BMERB1: variants seen among roughly 807,000 people sequenced by gnomAD.
The protein encoded by BMERB1 is bMERB domain containing 1, also known as bMERB domain-containing protein 1.
BMERB1 carries 12 observed loss-of-function variants against 23.6 expected under a neutral mutation model. The ratio of observed to expected loss-of-function variants is 0.51; its 90% CI spans 0.33 to 0.82. The LOEUF (loss-of-function observed/expected upper bound fraction) is 0.82, where lower values mean the gene tolerates loss of function less well. BMERB1 is among the 40% of genes least tolerant of loss of function. The pLI is 0.03. For synonymous variants in BMERB1, 122 were observed against 96.6 expected, an observed-to-expected ratio of 1.26 and a Z score of -1.54; for missense variants, 247 against 255.4, an observed-to-expected ratio of 0.97 and a Z score of 0.22.
chr16:15,507,546 C>G (rs2051606435), intron 1 of BMERB1, among the ~76,000 whole-genome samples: 2 of 152,150 alleles, frequency 1.3e-5, no homozygotes, highest in African/African-American at 2.4e-5. Flanking sequence ...CAAGCAAGCT[C>G]TTGCTTGGAA....
intron 2 of BMERB1, among the ~76,000 whole-genome samples, chr16:15,562,319 A>AC (rs1407059022): frequency 6.6e-6 from 1 of 150,390 alleles, no homozygotes; most frequent in Non-Finnish European, 1.5e-5. Flanking sequence ...AAAAAAAAAA[A>AC]ACATAAATAA....
chr16:15,505,715 C>T (rs529682274), intron 1 of BMERB1, among the ~76,000 whole-genome samples: 17 of 151,824 alleles, frequency 1.1e-4, no homozygotes, highest in African/African-American at 3.4e-4. Flanking sequence ...TGGTGAAACC[C>T]GTCTCTACTA....
intron 1 of BMERB1, among the ~76,000 whole-genome samples, chr16:15,498,050 A>G (rs1850925220): frequency 6.6e-6 from 1 of 152,176 alleles, no homozygotes; most frequent in Non-Finnish European, 1.5e-5. Flanking sequence ...TGTTATCATT[A>G]TCCTTCCCAT....
chr16:15,523,975 A>G lies in BMERB1; in HGVS notation c.230+8547A>G, dbSNP rs141912959. ...GCTCTCAACCATTAAGTGCAACTCT[A>G]CCCTGGGGCCTTGATTTTATTATGA... On this transcript the variant is annotated intron_variant, in intron 2 of 5. Coordinates refer to ENST00000300006, the MANE Select transcript of BMERB1 (RefSeq NM_033201.3). 8.0e-3 allele frequency among the ~76,000 whole-genome samples: 1,217 copies of G among 152,158 alleles called. 19 individuals carry two copies. Among genetic ancestry groups the G allele is most frequent in the African/African-American group, 0.028 (1,176 of 41,516 alleles).
At chr16:15,576,798 C>G (rs1377129703) in intron 3 of BMERB1, among the ~76,000 whole-genome samples, 1 of 151,920 alleles carries the variant, frequency 6.6e-6, no homozygotes, top group Non-Finnish European at 1.5e-5. Flanking sequence ...TTCGTTGTCT[C>G]TCTCCAAGCA....
intron 1 of BMERB1, among the ~76,000 whole-genome samples, chr16:15,444,123 G>GGTTTTTTTTT (rs2050966312): frequency 2.8e-5 from 1 of 35,610 alleles, no homozygotes; most frequent in South Asian, 1.3e-3. Flanking sequence ...CACCAGCTTT[G>GGTTTTTTTTT]TTTTTTTTTT....
chr16:15,517,949 G>C (rs1485001891), intron 2 of BMERB1, among the ~76,000 whole-genome samples: 1 of 150,740 alleles, frequency 6.6e-6, no homozygotes, highest in South Asian at 2.1e-4. Context: ...GTGTGGGTGT[G>C]TGTGTGGATG....
chr16:15,477,500 G>A (rs941996035), intron 1 of BMERB1, among the ~76,000 whole-genome samples: 11 of 152,122 alleles, frequency 7.2e-5, no homozygotes, highest in African/African-American at 2.7e-4. Flanking sequence ...TTGTGTTGAT[G>A]CACACCTGTA....
At chr16:15,478,713 C>G (rs2051293331) in intron 1 of BMERB1, among the ~76,000 whole-genome samples, 1 of 152,162 alleles carries the variant, frequency 6.6e-6, no homozygotes, top group Admixed American at 6.6e-5. Flanking sequence ...CACCTTAGCA[C>G]AAGAAGGCAG....
chr16:15,510,835 G>T (rs1219039286), intron 1 of BMERB1, among the ~76,000 whole-genome samples: 1 of 152,044 alleles, frequency 6.6e-6, no homozygotes, highest in African/African-American at 2.4e-5. Context: ...CCAAGCAGCT[G>T]GGATTACAGG....
chr16:15,509,113 A>G (rs918360811), intron 1 of BMERB1, among the ~76,000 whole-genome samples: 1 of 151,890 alleles, frequency 6.6e-6, no homozygotes. Context: ...CTGGGATGTG[A>G]TTAATTCTCT....
intron 1 of BMERB1, among the ~76,000 whole-genome samples, chr16:15,474,115 G>A (rs189627059): frequency 2.2e-3 from 255 of 115,016 alleles, no homozygotes; most frequent in African/African-American, 7.4e-3. Context: ...GTGAGACTCT[G>A]TCTCAAAAAA....
rs578187687 is a variant in BMERB1, at chr16:15,573,914, G to T, written c.304+5858G>T. 3.4e-5 allele frequency among the ~76,000 whole-genome samples: 5 copies of T among 146,718 alleles called. No homozygotes were observed. The South Asian group carries it at 8.7e-4, about 26-fold the overall frequency. On this transcript the variant is annotated intron_variant, in intron 3 of 5. Coordinates refer to ENST00000300006, the MANE Select transcript of BMERB1 (RefSeq NM_033201.3). ...CAAGGTGACAGGAAGGAGAATGAAC[G>T]CAGGAGGAACTGCCCAACCCTTATA...
intron 1 of BMERB1, among the ~76,000 whole-genome samples, chr16:15,436,990 A>G (rs1274727366): frequency 1.3e-5 from 2 of 152,172 alleles, no homozygotes; most frequent in African/African-American, 2.4e-5. Context: ...GCATAGATTT[A>G]AAAAAACAAA....
intron 1 of BMERB1, among the ~76,000 whole-genome samples, chr16:15,456,445 T>G (rs1253253173): frequency 2.0e-5 from 3 of 152,016 alleles, no homozygotes; most frequent in Admixed American, 1.3e-4. Flanking sequence ...CAAGTGATTC[T>G]CATGCCTCAG....
At chr16:15,573,914 G>A (rs578187687) in intron 3 of BMERB1, among the ~76,000 whole-genome samples, 11 of 146,720 alleles carry the variant, frequency 7.5e-5, no homozygotes, top group African/African-American at 1.0e-4. Context: ...GAGAATGAAC[G>A]CAGGAGGAAC....
chr16:15,574,935 C>T (rs1349912487), intron 3 of BMERB1, among the ~76,000 whole-genome samples: 3 of 152,042 alleles, frequency 2.0e-5, no homozygotes, highest in Non-Finnish European at 2.9e-5. Context: ...AAAAATTAGC[C>T]GCGTGTGGTG....
At chr16:15,480,018 T>C (rs2051305971) in intron 1 of BMERB1, among the ~76,000 whole-genome samples, 1 of 147,528 alleles carries the variant, frequency 6.8e-6, no homozygotes, top group African/African-American at 2.5e-5. Flanking sequence ...ATATAATATA[T>C]ATATAATATA....
At chr16:15,508,098 T>TA (rs1288690622) in intron 1 of BMERB1, among the ~76,000 whole-genome samples, 1 of 152,214 alleles carries the variant, frequency 6.6e-6, no homozygotes, top group East Asian at 1.9e-4. Flanking sequence ...CTCCATCACT[T>TA]ACTCCCTTTC....
Sources: gnomAD v4.1 joint callset for allele counts (sites outside exome capture counted in the v4.1 genomes callset) on GRCh38, gnomAD v4.1.1 for gene constraint, MANE v1.5 for transcripts, NCBI Gene and HGNC (gene_info 2026-07-23, HGNC 2026-07-21) for gene names.